The following FRMD4A variants were observed in gnomAD, a reference collection of about 807,000 sequenced individuals.
FRMD4A encodes FERM domain-containing protein 4A.
A neutral mutation model predicts 129.1 loss-of-function variants in FRMD4A; 29 were observed. The ratio of observed to expected loss-of-function variants is 0.22; its 90% confidence interval spans 0.17 to 0.31. FRMD4A has a LOEUF of 0.31. Among genes scored for constraint, FRMD4A ranks in the 10% least tolerant of loss-of-function variants. The pLI, the probability that FRMD4A is intolerant of heterozygous loss-of-function variation, is 1.00. For synonymous variants in FRMD4A, 634 were observed against 571.6 expected (o/e 1.11, Z -1.56); for missense variants, 1,272 against 1,375.8 (o/e 0.92, Z 1.19).
rs147438726 is a variant in FRMD4A, at chr10:14,285,328, G to A, written c.45+44730C>T. Among the ~76,000 whole-genome samples the A allele has an allele frequency of 2.8e-3, 424 of 152,316 alleles. 3 individuals carry two copies. The highest frequency in any genetic ancestry group is 9.4e-3 in the African/African-American group (392 of 41,568). On this transcript the variant is annotated intron_variant, in intron 2 of 24. Coordinates refer to ENST00000357447, the MANE Select transcript of FRMD4A (RefSeq NM_018027.5). ...GATTCCTAGTTGAGCTGGGGCTACA[G>A]GTATCAGCTTGTATTTCATAGGCAA...
At chr10:14,102,940 G>A (rs978076003) in intron 2 of FRMD4A, among the ~76,000 whole-genome samples, 1 of 152,194 alleles carries the variant, frequency 6.6e-6, no homozygotes, top group East Asian at 1.9e-4. Context: ...GTGCATGGGA[G>A]GTTTCATGTG....
At chr10:13,780,766 A>G (rs747632373) in intron 6 of FRMD4A, among the ~76,000 whole-genome samples, 29 of 152,296 alleles carry the variant, frequency 1.9e-4, no homozygotes, top group Admixed American at 3.3e-4. Flanking sequence ...CTGCTATGGA[A>G]AACAGTAGGG....
chr10:14,286,339 G>A (rs1009389288), intron 2 of FRMD4A, among the ~76,000 whole-genome samples: 2 of 152,164 alleles, frequency 1.3e-5, no homozygotes, highest in African/African-American at 4.8e-5. Flanking sequence ...AGCATGGGAA[G>A]GACGAGACGC....
intron 2 of FRMD4A, among the ~76,000 whole-genome samples, chr10:13,988,116 G>A (rs1475887730): frequency 6.6e-6 from 1 of 152,178 alleles, no homozygotes; most frequent in African/African-American, 2.4e-5. Flanking sequence ...ACAAAACAGA[G>A]GAGTGAAAAT....
chr10:13,733,239 G>A (rs1274701201), intron 12 of FRMD4A, among the ~76,000 whole-genome samples: 1 of 152,198 alleles, frequency 6.6e-6, no homozygotes, highest in Non-Finnish European at 1.5e-5. Context: ...TTTTATAATG[G>A]TGATGAGGTT....
At position 13,872,568 on chromosome 10, in the gene FRMD4A, T is replaced by C. The variant is rs112903175; in HGVS notation, c.46-13656A>G. Among the ~76,000 whole-genome samples, 1,075 of 152,366 alleles carry C rather than the reference T, an allele frequency of 7.1e-3. 9 individuals carry two copies. Among genetic ancestry groups the C allele is most frequent in the African/African-American group, 0.025 (1,025 of 41,582 alleles). On this transcript the variant is annotated intron_variant, in intron 2 of 24. Coordinates refer to ENST00000357447, the MANE Select transcript of FRMD4A (RefSeq NM_018027.5). ...GCACGTAATTCTTATTCACAGCACATGCGTTCACGCAGACGTTCTGCAAGG... is the reference window on the plus strand; with the variant it reads ...GCACGTAATTCTTATTCACAGCACACGCGTTCACGCAGACGTTCTGCAAGG...
intron 15 of FRMD4A, chr10:13,685,047 A>C: frequency 1.0e-6 from 1 of 985,064 alleles, no homozygotes; most frequent in Middle Eastern, 5.2e-4. Flanking sequence ...CCTTACATAA[A>C]AGATGTCCCA....
intron 2 of FRMD4A, among the ~76,000 whole-genome samples, chr10:14,246,936 G>A (rs977287277): frequency 3.9e-5 from 6 of 152,190 alleles, no homozygotes; most frequent in Non-Finnish European, 8.8e-5. Context: ...TAGTGTAGCT[G>A]CGTTGTGTGA....
intron 4 of FRMD4A, among the ~76,000 whole-genome samples, chr10:13,801,782 A>C (rs1035868735): frequency 6.6e-6 from 1 of 152,140 alleles, no homozygotes; most frequent in Admixed American, 6.5e-5. Context: ...CACACTGCTA[A>C]AGGCTTTTGC....
intron 3 of FRMD4A, among the ~76,000 whole-genome samples, chr10:13,819,246 A>G (rs2130900513): frequency 6.6e-6 from 1 of 152,092 alleles, no homozygotes; most frequent in East Asian, 1.9e-4. Flanking sequence ...ATCCAACCTC[A>G]CTTTTGCCCA....
chr10:14,195,836 G>A (rs571948328), intron 2 of FRMD4A, among the ~76,000 whole-genome samples: 2 of 152,270 alleles, frequency 1.3e-5, no homozygotes, highest in South Asian at 4.2e-4. Context: ...TTATAGAGAA[G>A]GTGCCTGTTG....
rs1461879115 is a variant in FRMD4A, at chr10:13,713,859, A to AT, written c.760-6747_760-6746insA. Among the ~76,000 whole-genome samples, 7 of 1,002 alleles carry AT rather than the reference A, an allele frequency of 7.0e-3. 1 individual carries two copies. In the East Asian group the frequency reaches 0.17, roughly 24 times the overall value. 0.7% of individuals were successfully genotyped at this position (1,002 alleles called of 152,430 possible). A position where few individuals can be genotyped will look rare whatever the true frequency, so the allele number is the denominator to read the frequency against. ...ATGTAATATATATACACATATATATAATATATATACATATATGTAATATAT... is the reference window on the plus strand; with the variant it reads ...ATGTAATATATATACACATATATATATATATATATACATATATGTAATATAT... On this transcript the variant is annotated intron_variant, in intron 12 of 24. Coordinates refer to ENST00000357447, the MANE Select transcript of FRMD4A (RefSeq NM_018027.5).
At chr10:14,122,197 G>A (rs746396339) in intron 2 of FRMD4A, among the ~76,000 whole-genome samples, 5 of 152,132 alleles carry the variant, frequency 3.3e-5, no homozygotes, top group Non-Finnish European at 7.4e-5. Flanking sequence ...GGGATTAAAC[G>A]AGAAAATGCA....
chr10:14,199,481 C>G (rs916100164), intron 2 of FRMD4A, among the ~76,000 whole-genome samples: 1 of 150,872 alleles, frequency 6.6e-6, no homozygotes, highest in African/African-American at 2.5e-5. Flanking sequence ...TCTCCACCTC[C>G]CGGGCTCAAG....
intron 2 of FRMD4A, among the ~76,000 whole-genome samples, chr10:14,089,573 A>C (rs1836511898): frequency 6.6e-6 from 1 of 151,594 alleles, no homozygotes; most frequent in Admixed American, 6.6e-5. Context: ...CTTGGCCCTG[A>C]AACACCTTAT....
chr10:13,877,689 G>A (rs550074679), intron 2 of FRMD4A, among the ~76,000 whole-genome samples: 25 of 152,368 alleles, frequency 1.6e-4, no homozygotes, highest in Admixed American at 5.2e-4. Context: ...ACTTTGGAAA[G>A]GGTTCTGCTG....
At chr10:13,971,690 A>C (rs1443322641) in intron 2 of FRMD4A, 3 of 1,304,156 alleles carry the variant, frequency 2.3e-6, no homozygotes, top group Non-Finnish European at 2.0e-6. Flanking sequence ...CCATGGTTTT[A>C]GCAGCAGCTG....
chr10:14,137,024 A>G (rs1034341875), intron 2 of FRMD4A, among the ~76,000 whole-genome samples: 1 of 152,146 alleles, frequency 6.6e-6, no homozygotes, highest in Non-Finnish European at 1.5e-5. Flanking sequence ...CCCATCAATT[A>G]TTGTCGTTTG....
At chr10:13,706,993 C>T (rs776532797) in intron 13 of FRMD4A, 44 bp downstream of exon 13, 20 of 1,010,650 alleles carry the variant, frequency 2.0e-5, no homozygotes, top group Non-Finnish European at 2.9e-5. Flanking sequence ...CACGCCCGGC[C>T]GAGAGCCACG....
Sources: allele counts gnomAD v4.1 joint callset (sites outside exome capture counted in the v4.1 genomes callset), GRCh38; gene constraint gnomAD v4.1.1; transcripts MANE v1.5; gene names NCBI Gene and HGNC (gene_info 2026-07-23, HGNC 2026-07-21).